Variants in BCAS3 observed in about 807,000 individuals in gnomAD.
BCAS3 encodes the protein BCAS4/BCAS3 fusion.
A neutral mutation model predicts 116.1 loss-of-function variants in BCAS3; 53 were observed. The observed-to-expected ratio is 0.46, with a 90% CI of 0.37 to 0.57. The LOEUF (loss-of-function observed/expected upper bound fraction) is 0.57, where lower values mean the gene tolerates loss of function less well. Among genes scored for constraint, BCAS3 ranks in the 20% least tolerant of loss-of-function variants. The pLI, the probability that BCAS3 is intolerant of heterozygous loss-of-function variation, is 0.00. For missense variants in BCAS3, 917 were observed against 1,165.4 expected, an observed-to-expected ratio of 0.79 and a Z score of 3.10; for synonymous variants, 391 against 408.2, an observed-to-expected ratio of 0.96 and a Z score of 0.51.
chr17:61,068,355 G>A lies in BCAS3; in HGVS notation c.2030-6565G>A, dbSNP rs1359846142. 6.6e-6 allele frequency among the ~76,000 whole-genome samples: 1 copy of A among 152,118 alleles called. No homozygotes were observed. Among genetic ancestry groups the A allele is most frequent in the Non-Finnish European group, 1.5e-5 (1 of 68,032 alleles). ...GGTGTTCAGGGTATAAAAGTATGAGGTAAGGGATTTGGGGACATTTTGTCC... is the reference window on the plus strand; with the variant it reads ...GGTGTTCAGGGTATAAAAGTATGAGATAAGGGATTTGGGGACATTTTGTCC... On this transcript the variant is annotated intron_variant, in intron 19 of 23. Coordinates refer to ENST00000407086, the MANE Select transcript of BCAS3 (RefSeq NM_017679.5). This position sits in a 1 kb window ranked among gnomAD's most constrained non-coding sequence, Gnocchi z 4.3.
chr17:60,808,125 T>C (rs2048453274), intron 7 of BCAS3, 49 bp downstream of exon 7: 7 of 1,251,530 alleles, frequency 5.6e-6, no homozygotes, highest in Non-Finnish European at 8.0e-6. Context: ...AAATTTATAT[T>C]ATTCCAGAGG....
chr17:60,689,315 A>G (rs1329155346), intron 3 of BCAS3, among the ~76,000 whole-genome samples: 2 of 152,162 alleles, frequency 1.3e-5, no homozygotes, highest in Admixed American at 1.3e-4. Flanking sequence ...CTGGAATTAC[A>G]GGCATGTGCC....
chr17:60,896,732 A>G (rs1337476462), intron 10 of BCAS3, among the ~76,000 whole-genome samples: 1 of 151,572 alleles, frequency 6.6e-6, no homozygotes, highest in Non-Finnish European at 1.5e-5. Flanking sequence ...TGGTAAGGTA[A>G]GTTTCTTGTA....
chr17:61,011,131 T>C (rs1445322309), intron 15 of BCAS3, among the ~76,000 whole-genome samples: 1 of 151,126 alleles, frequency 6.6e-6, no homozygotes, highest in Non-Finnish European at 1.5e-5. Context: ...TTCTTTTTCA[T>C]TGTACTCATG....
At chr17:61,121,634 T>C (rs1371428040) in intron 22 of BCAS3, among the ~76,000 whole-genome samples, 1 of 152,228 alleles carries the variant, frequency 6.6e-6, no homozygotes, top group African/African-American at 2.4e-5. Context: ...AACCTCCAAG[T>C]GATAGGATTA....
In BCAS3 at chr17:61,217,197, C is replaced by T. The variant is rs894271934; in HGVS notation, c.2425+132633C>T. On this transcript the variant is annotated intron_variant, in intron 22 of 23. Transcript: ENST00000407086. The surrounding 1 kb of genome is among the most constrained non-coding windows in gnomAD (Gnocchi z 5.2). ...ACTCAGGAGGCTGAGGCAGGAGAAT[C>T]GCTTGAACCCAGGAGGCGGAGGTTG... 3.3e-5 allele frequency among the ~76,000 whole-genome samples: 5 copies of T among 152,044 alleles called. No homozygotes were observed. Among genetic ancestry groups the T allele is most frequent in the African/African-American group, 9.7e-5 (4 of 41,394 alleles).
chr17:61,351,763 G>T (rs1247209935), intron 22 of BCAS3, among the ~76,000 whole-genome samples: 1 of 152,188 alleles, frequency 6.6e-6, no homozygotes, highest in Non-Finnish European at 1.5e-5. Context: ...TAAATGAAGA[G>T]AAGAGACTGC....
intron 12 of BCAS3, among the ~76,000 whole-genome samples, chr17:60,921,636 AC>A (rs1273211139): frequency 1.1e-4 from 17 of 150,990 alleles, no homozygotes; most frequent in South Asian, 2.1e-4. Context: ...AAAAAAAAAA[AC>A]ATTGACCACA....
intron 7 of BCAS3, among the ~76,000 whole-genome samples, chr17:60,852,798 A>C (rs76641259): frequency 0.03 from 4,602 of 152,316 alleles, 178 homozygotes; most frequent in East Asian, 0.091. Flanking sequence ...GACAATACCA[A>C]ATGCTGAGAA....
At chr17:61,000,261 C>T (rs1350104025) in intron 15 of BCAS3, among the ~76,000 whole-genome samples, 1 of 152,066 alleles carries the variant, frequency 6.6e-6, no homozygotes, top group Non-Finnish European at 1.5e-5. Flanking sequence ...ATGATGTTGG[C>T]TATGAGTTTG....
intron 22 of BCAS3, among the ~76,000 whole-genome samples, chr17:61,268,417 T>A: frequency 6.6e-6 from 1 of 152,146 alleles, no homozygotes; most frequent in East Asian, 1.9e-4. Context: ...TTTTAAATTG[T>A]CATATAAAAG....
intron 5 of BCAS3, among the ~76,000 whole-genome samples, chr17:60,738,677 A>T (rs954280820): frequency 8.4e-5 from 12 of 142,986 alleles, no homozygotes; most frequent in African/African-American, 3.3e-4. Flanking sequence ...GACATATTTA[A>T]TTGATGTTTA....
chr17:61,369,868 G>C (rs58987875), intron 23 of BCAS3, among the ~76,000 whole-genome samples: 3,416 of 152,360 alleles, frequency 0.022, 123 homozygotes, highest in African/African-American at 0.078. Flanking sequence ...TACGGCACAG[G>C]CTTTTGCCTG....
Position 61,232,718 on chromosome 17 carries a change from T to C in BCAS3, c.2426-135609T>C, listed in dbSNP as rs559644299. On this transcript the variant is annotated intron_variant, in intron 22 of 23. Transcript: ENST00000407086. ...TTTGCAAATCCTATTGTAGTCTTGATTGATCTCTCTTCTCATTGCTCTTCG... is the reference window on the plus strand; with the variant it reads ...TTTGCAAATCCTATTGTAGTCTTGACTGATCTCTCTTCTCATTGCTCTTCG... Among the ~76,000 whole-genome samples, 64 of 152,328 alleles carry C rather than the reference T, an allele frequency of 4.2e-4. 1 individual carries two copies. The South Asian group carries it at 0.013, about 31-fold the overall frequency.
chr17:61,014,144 A>G (rs953853043), intron 15 of BCAS3, among the ~76,000 whole-genome samples: 6 of 152,296 alleles, frequency 3.9e-5, no homozygotes, highest in African/African-American at 1.4e-4. Context: ...TGCTAACCAC[A>G]TAAATGGGGT....
At chr17:61,142,206 A>C (rs2143943316) in intron 22 of BCAS3, among the ~76,000 whole-genome samples, 1 of 152,220 alleles carries the variant, frequency 6.6e-6, no homozygotes, top group African/African-American at 2.4e-5. Flanking sequence ...TTTCCATTTT[A>C]GAGACGAGGA....
At chr17:60,938,007 A>T (rs1328527234) in intron 13 of BCAS3, among the ~76,000 whole-genome samples, 6 of 148,646 alleles carry the variant, frequency 4.0e-5, no homozygotes, top group Non-Finnish European at 8.8e-5. Flanking sequence ...TTCCAATTAT[A>T]TTTCTCACTC....
chr17:61,368,778 G>C lies in BCAS3; in HGVS notation c.2593+284G>C, dbSNP rs1251331228. 6.6e-6 allele frequency among the ~76,000 whole-genome samples: 1 copy of C among 152,170 alleles called. No homozygotes were observed. Among genetic ancestry groups the C allele is most frequent in the Non-Finnish European group, 1.5e-5 (1 of 68,044 alleles). Reference sequence around the variant, plus strand: ...CAGAAGGACACTTTCCTCCTTTGGGGGTGTCCCCACGTCTTCCAGCAGCGC... The same window carrying C: ...CAGAAGGACACTTTCCTCCTTTGGGCGTGTCCCCACGTCTTCCAGCAGCGC... On this transcript the variant is annotated intron_variant, in intron 23 of 23. Transcript: ENST00000407086. The surrounding 1 kb of genome is among the most constrained non-coding windows in gnomAD (Gnocchi z 6.0).
rs989209561 is a variant in BCAS3 at position 61,249,523 on chromosome 17, A to G, written c.2426-118804A>G. On this transcript the variant is annotated intron_variant, in intron 22 of 23. Transcript: ENST00000407086. The surrounding 1 kb of genome is among the most constrained non-coding windows in gnomAD (Gnocchi z 6.2). ...AAATCTGAAGGAGAGAGATCTCAAC[A>G]GCAGAGATGGACTCTAGTGTCCCAA... Among the ~76,000 whole-genome samples the G allele has an allele frequency of 2.0e-5, 3 of 152,214 alleles. No homozygotes were observed. Among genetic ancestry groups the G allele is most frequent in the African/African-American group, 7.2e-5 (3 of 41,454 alleles).
Sources: gnomAD v4.1 joint callset for allele counts (sites outside exome capture counted in the v4.1 genomes callset) on GRCh38, gnomAD v4.1.1 for gene constraint, Gnocchi (gnomAD v3.1) non-coding constraint, MANE v1.5 for transcripts, NCBI Gene and HGNC (gene_info 2026-07-23, HGNC 2026-07-21) for gene names.